Variants in ELAVL3 observed in about 807,000 individuals in gnomAD.
ELAVL3 encodes the protein ELAV-like protein 3.
Under a neutral mutation model 34.2 loss-of-function variants are expected in ELAVL3, and 8 were observed. The ratio of observed to expected loss-of-function variants is 0.23; its 90% CI spans 0.14 to 0.42. ELAVL3 has a LOEUF of 0.42. Ranked by LOEUF, ELAVL3 falls within the 10% of genes least tolerant of loss-of-function variation. The pLI is 1.00. For missense variants in ELAVL3, 273 were observed against 518.8 expected, an observed-to-expected ratio of 0.53 and a Z score of 4.60; for synonymous variants, 209 against 222.1, an observed-to-expected ratio of 0.94 and a Z score of 0.53.
intron 1 of ELAVL3, among the ~76,000 whole-genome samples, chr19:11,473,979 A>C (rs1284806353): frequency 6.6e-6 from 1 of 152,206 alleles, no homozygotes; most frequent in Non-Finnish European, 1.5e-5. Context: ...TGATCATGGG[A>C]ATTAAAAGCA....
Position 11,480,761 on chromosome 19 carries a change from A to G in ELAVL3, c.-153T>C. The stretch of plus-strand genomic sequence containing the variant: ...GGCGATGAAGGCGGCGGCTCCCTCG[A>G]GGGCCAGGGACGGGCCCGAACCCGG... On this transcript the variant is annotated 5_prime_UTR_variant, in exon 1 of 7. Coordinates refer to ENST00000359227, the MANE Select transcript of ELAVL3 (RefSeq NM_001420.4). This position sits in a 1 kb window ranked among gnomAD's most constrained non-coding sequence, Gnocchi z 6.8. 1.5e-6 allele frequency: 1 copy of G among 677,818 alleles called. No homozygotes were observed. Among genetic ancestry groups the G allele is most frequent in the Non-Finnish European group, 2.1e-6 (1 of 467,246 alleles). The allele number at this position is 677,818 out of a possible 1,614,324, so 42.0% of individuals were successfully genotyped here. A position where few individuals can be genotyped will look rare whatever the true frequency, so the allele number is the denominator to read the frequency against.
chr19:11,478,447 C>T (rs1971304070), intron 1 of ELAVL3, among the ~76,000 whole-genome samples: 1 of 152,140 alleles, frequency 6.6e-6, no homozygotes, highest in Non-Finnish European at 1.5e-5. Flanking sequence ...AAGTGCACAG[C>T]CTGGGATGGT....
At chr19:11,473,564 C>G (rs927849730) in intron 1 of ELAVL3, among the ~76,000 whole-genome samples, 8 of 152,206 alleles carry the variant, frequency 5.3e-5, no homozygotes, top group African/African-American at 1.9e-4. Flanking sequence ...CTACTGTGTG[C>G]CAGGCACTGT....
chr19:11,455,668 A>G (rs1018834917), intron 6 of ELAVL3, among the ~76,000 whole-genome samples: 2 of 152,052 alleles, frequency 1.3e-5, no homozygotes. Context: ...CCTGGGCTCA[A>G]GCAATCCTAC....
chr19:11,478,516 G>A (rs1428371431), intron 1 of ELAVL3, among the ~76,000 whole-genome samples: 1 of 152,032 alleles, frequency 6.6e-6, no homozygotes, highest in Non-Finnish European at 1.5e-5. Flanking sequence ...TGGGGGGGTG[G>A]CAAAGTCAGG....
intron 1 of ELAVL3, among the ~76,000 whole-genome samples, chr19:11,474,982 C>G (rs571259122): frequency 1.3e-5 from 2 of 152,198 alleles, no homozygotes; most frequent in African/African-American, 4.8e-5. Flanking sequence ...GCACCCACCA[C>G]CACGCCTGGC....
intron 1 of ELAVL3, among the ~76,000 whole-genome samples, chr19:11,468,711 C>A (rs1971105088): frequency 6.6e-6 from 1 of 152,164 alleles, no homozygotes; most frequent in Non-Finnish European, 1.5e-5. Context: ...CAGGCATGAG[C>A]CACCACGCCC....
At chr19:11,473,342 G>C (rs1331120330) in intron 1 of ELAVL3, among the ~76,000 whole-genome samples, 1 of 152,152 alleles carries the variant, frequency 6.6e-6, no homozygotes, top group Non-Finnish European at 1.5e-5. Flanking sequence ...TCCAGCCTGG[G>C]CGACAGAGCG....
intron 3 of ELAVL3, among the ~76,000 whole-genome samples, chr19:11,463,521 G>A (rs370154707): frequency 1.3e-5 from 2 of 151,990 alleles, no homozygotes; most frequent in African/African-American, 2.4e-5. Context: ...ACAAACACAC[G>A]ATATCACACT....
rs908060232 is a variant in ELAVL3, at chr19:11,452,767, GGC to G, written c.*1757_*1758del. 1 of 151,960 alleles carries G rather than the reference GGC, an allele frequency of 6.6e-6. No individual in the cohort carries two copies. Among genetic ancestry groups the G allele is most frequent in the Non-Finnish European group, 1.5e-5 (1 of 67,978 alleles). 9.4% of individuals were successfully genotyped at this position (151,960 alleles called of 1,614,324 possible). On this transcript the variant is annotated 3_prime_UTR_variant, in exon 7 of 7. Transcript: ENST00000359227. ...GTTTTGCAATTCTCAGTTCCGATGG[GGC>G]CGCTGAGTGGGGTGGGGAGCGGTGC...
intron 1 of ELAVL3, among the ~76,000 whole-genome samples, chr19:11,468,563 C>T (rs72992971): frequency 0.027 from 4,032 of 152,100 alleles, 107 homozygotes; most frequent in African/African-American, 0.069. Flanking sequence ...TACAGGTTTC[C>T]ACCACCACGC....
chr19:11,454,447 C>G lies in ELAVL3; in HGVS notation c.*79G>C. On this transcript the variant is annotated 3_prime_UTR_variant, in exon 7 of 7. Transcript: ENST00000359227. The surrounding 1 kb of genome is among the most constrained non-coding windows in gnomAD (Gnocchi z 9.2). ...CTGCCTGTGCTGTCTCTCTTGGGCC[C>G]CTTCTCTCTCTCTCTCTCTCTTTCT... is the stretch of plus-strand genomic sequence containing the variant. 2.3e-6 allele frequency: 3 copies of G among 1,320,354 alleles called. No individual in the cohort carries two copies. Among genetic ancestry groups the G allele is most frequent in the African/African-American group, 1.5e-5 (1 of 67,196 alleles). 81.8% of individuals were successfully genotyped at this position (1,320,354 alleles called of 1,614,324 possible). A position where few individuals can be genotyped will look rare whatever the true frequency, so the allele number is the denominator to read the frequency against.
intron 1 of ELAVL3, among the ~76,000 whole-genome samples, chr19:11,470,512 CAAA>C (rs56714750): frequency 8.0e-6 from 1 of 124,862 alleles, no homozygotes; most frequent in Non-Finnish European, 1.7e-5. Flanking sequence ...ACTAGAAATA[CAAA>C]AAAAAAAAAA....
Position 11,480,541 on chromosome 19 carries a change from G to A in ELAVL3, c.9+59C>T, listed in dbSNP as rs1420581236. 2.9e-5 allele frequency: 43 copies of A among 1,498,404 alleles called. No homozygotes were observed. The highest frequency in any genetic ancestry group is 8.1e-5 in the East Asian group (3 of 37,124). The allele number at this position is 1,498,404 out of a possible 1,614,324, so 92.8% of individuals were successfully genotyped here. The stretch of plus-strand genomic sequence containing the variant: ...CCGCCGCACCCGCCCAATCTCCGCG[G>A]AGCCTGGGCCCAACTCCTCCCCGTC... On this transcript the variant is annotated intron_variant, in intron 1 of 6. Coordinates refer to ENST00000359227, the MANE Select transcript of ELAVL3 (RefSeq NM_001420.4). This position sits in a 1 kb window ranked among gnomAD's most constrained non-coding sequence, Gnocchi z 6.8.
chr19:11,465,958 C>T (rs1410869980), intron 3 of ELAVL3, among the ~76,000 whole-genome samples: 1 of 152,132 alleles, frequency 6.6e-6, no homozygotes, highest in Non-Finnish European at 1.5e-5. Flanking sequence ...CAGTACTGTC[C>T]CCATTGACAG....
intron 6 of ELAVL3, 72 bp downstream of exon 6, chr19:11,457,038 G>C (rs975747342): frequency 1.5e-6 from 2 of 1,342,878 alleles, no homozygotes; most frequent in Non-Finnish European, 2.0e-6. Context: ...AGCCCTGGGG[G>C]TGAGCTGGGG....
intron 1 of ELAVL3, among the ~76,000 whole-genome samples, chr19:11,475,706 C>T (rs979430212): frequency 5.9e-5 from 9 of 151,498 alleles, no homozygotes; most frequent in African/African-American, 1.7e-4. Flanking sequence ...CTCCACCTCC[C>T]AAGTTCAAGC....
intron 1 of ELAVL3, among the ~76,000 whole-genome samples, chr19:11,470,940 G>T (rs2144905608): frequency 6.6e-6 from 1 of 152,234 alleles, no homozygotes; most frequent in Non-Finnish European, 1.5e-5. Context: ...CAAACTCCTG[G>T]GTTCAAGCAT....
intron 1 of ELAVL3, among the ~76,000 whole-genome samples, chr19:11,467,937 A>G (rs1971089153): frequency 6.6e-6 from 1 of 152,096 alleles, no homozygotes. Context: ...CAATAGGCGC[A>G]TGCCACCATG....
Sources: gnomAD v4.1 joint callset for allele counts (sites outside exome capture counted in the v4.1 genomes callset) on GRCh38, gnomAD v4.1.1 for gene constraint, Gnocchi (gnomAD v3.1) non-coding constraint, MANE v1.5 for transcripts, NCBI Gene and HGNC (gene_info 2026-07-23, HGNC 2026-07-21) for gene names.